The following TNRC6B variants were observed in gnomAD, a reference collection of about 807,000 sequenced individuals.
TNRC6B encodes the protein trinucleotide repeat containing adaptor 6B.
TNRC6B carries 52 observed loss-of-function variants against 203.6 expected under a neutral mutation model. That is an observed-to-expected ratio of 0.26 (90% confidence interval 0.20 to 0.32). The LOEUF (loss-of-function observed/expected upper bound fraction) is 0.32. Among genes scored for constraint, TNRC6B ranks in the 10% least tolerant of loss-of-function variants. The pLI is 1.00. For synonymous variants in TNRC6B, 838 were observed against 845.7 expected, an observed-to-expected ratio of 0.99 and a Z score of 0.16; for missense variants, 1,923 against 2,286.2, an observed-to-expected ratio of 0.84 and a Z score of 3.24.
intron 12 of TNRC6B, among the ~76,000 whole-genome samples, chr22:40,288,448 C>T (rs2070818051): frequency 1.3e-5 from 2 of 152,146 alleles, no homozygotes; most frequent in African/African-American, 4.8e-5. Context: ...CTCACACCTG[C>T]AATCCCAGCC....
In TNRC6B at chr22:40,266,709, C is replaced by A. The variant is rs778830893; in HGVS notation, c.2479C>A (p.Gln827Lys). Residue 827 changes from glutamine to lysine, a missense_variant, in exon 5 of 23, where the codon CAG becomes AAG. By Grantham distance (53) the Gln-to-Lys change is moderately conservative. Around this residue, in one of 8 missense-constraint regions of TNRC6B, gnomAD observed 599 missense variants for 656.5 expected, o/e 0.91. Transcript: ENST00000454349. ...ACAACACCAACAGCAGCAGCCCCCACAGCAGCCGCCGCCACCACAACCAGA... is the reference window on the plus strand; with the variant it reads ...ACAACACCAACAGCAGCAGCCCCCAAAGCAGCCGCCGCCACCACAACCAGA... ...NKQHQQQQPP[Q>K]QPPPPQPEAS... 6.2e-7 allele frequency: 1 copy of A among 1,613,928 alleles called. No individual in the cohort carries two copies. The highest frequency in any genetic ancestry group is 1.7e-5 in the Admixed American group (1 of 60,020).
intron 4 of TNRC6B, among the ~76,000 whole-genome samples, chr22:40,162,608 G>C (rs2146359129): frequency 6.6e-6 from 1 of 152,228 alleles, no homozygotes; most frequent in African/African-American, 2.4e-5. Context: ...AGTTGTTGTT[G>C]TTAACGTTTT....
intron 1 of TNRC6B, among the ~76,000 whole-genome samples, chr22:40,050,386 G>A (rs1332813462): frequency 6.6e-6 from 1 of 152,082 alleles, no homozygotes. Context: ...TCCTCTCTGA[G>A]CATCTTAACT....
chr22:40,176,885 G>A (rs536011158), upstream of TNRC6B, among the ~76,000 whole-genome samples: 7 of 152,282 alleles, frequency 4.6e-5, no homozygotes, highest in South Asian at 1.2e-3. Context: ...ACTACTCAAA[G>A]AAGCCAAGTG....
chr22:40,237,118 TTGTG>T (rs2069958713), intron 1 of TNRC6B, among the ~76,000 whole-genome samples: 1 of 152,148 alleles, frequency 6.6e-6, no homozygotes, highest in African/African-American at 2.4e-5. Context: ...TGAGCTGAGA[TTGTG>T]CCACTGCACT....
At chr22:40,088,977 A>T (rs78082310) in intron 1 of TNRC6B, among the ~76,000 whole-genome samples, 2 of 152,186 alleles carry the variant, frequency 1.3e-5, no homozygotes, top group African/African-American at 4.8e-5. Flanking sequence ...GAGTGAAAAA[A>T]GAACTGCAAC....
intron 22 of TNRC6B, chr22:40,321,457 G>A (rs1301291653): frequency 2.0e-6 from 1 of 491,274 alleles, no homozygotes; most frequent in Non-Finnish European, 3.6e-6. Context: ...AATTCCAAAC[G>A]TAAATAATTT....
chr22:40,176,204 A>G, upstream of TNRC6B, among the ~76,000 whole-genome samples: 1 of 148,902 alleles, frequency 6.7e-6, no homozygotes, highest in African/African-American at 2.5e-5. Context: ...GGCTCACCAC[A>G]ACCTCCGCCT....
chr22:40,063,568 G>C (rs904802240), intron 1 of TNRC6B, among the ~76,000 whole-genome samples: 7 of 152,076 alleles, frequency 4.6e-5, no homozygotes, highest in Non-Finnish European at 1.5e-5. Context: ...CATTTATTCA[G>C]ATCATTTTTA....
intron 3 of TNRC6B, among the ~76,000 whole-genome samples, chr22:40,128,572 G>GCTCACA (rs2068514704): frequency 4.8e-5 from 7 of 146,512 alleles, no homozygotes; most frequent in African/African-American, 1.9e-4. Flanking sequence ...CACGGCTCAC[G>GCTCACA]GCTCACAGCT....
At chr22:40,171,741 C>T (rs2069001688) in intron 4 of TNRC6B, among the ~76,000 whole-genome samples, 1 of 152,178 alleles carries the variant, frequency 6.6e-6, no homozygotes, top group Non-Finnish European at 1.5e-5. Flanking sequence ...GACTGAAGAA[C>T]TTAGTATGAT....
intron 3 of TNRC6B, among the ~76,000 whole-genome samples, chr22:40,260,842 G>A (rs1480255496): frequency 6.6e-6 from 1 of 152,164 alleles, no homozygotes; most frequent in African/African-American, 2.4e-5. Flanking sequence ...TTAAATTCTT[G>A]TCACTGTCAG....
intron 1 of TNRC6B, among the ~76,000 whole-genome samples, chr22:40,185,126 G>A (rs2069182853): frequency 6.6e-6 from 1 of 152,194 alleles, no homozygotes; most frequent in South Asian, 2.1e-4. Context: ...GAGTAGCTGG[G>A]ATTACAGGCA....
chr22:40,147,168 C>T (rs143718549), intron 3 of TNRC6B, among the ~76,000 whole-genome samples: 1 of 141,616 alleles, frequency 7.1e-6, no homozygotes, highest in East Asian at 1.9e-4. Context: ...ATATTGAAGA[C>T]ATATGCTAAG....
rs989712133 is a variant in TNRC6B at position 40,324,468 on chromosome 22, A to G, written c.*1227A>G. 7.2e-5 allele frequency: 11 copies of G among 152,626 alleles called. No individual in the cohort carries two copies. Among genetic ancestry groups the G allele is most frequent in the African/African-American group, 2.7e-4 (11 of 41,446 alleles). 9.5% of individuals were successfully genotyped at this position (152,626 alleles called of 1,614,324 possible). On this transcript the variant is annotated 3_prime_UTR_variant, in exon 23 of 23. Coordinates refer to ENST00000454349, the MANE Select transcript of TNRC6B (RefSeq NM_001162501.2). ...TATGATCAGGTTTGAGAAATTCTTC[A>G]AAAAATTAGGTGAAGTTGAGTTACA...
intron 4 of TNRC6B, 96 bp from the exon 5 acceptor site, chr22:40,264,592 C>T: frequency 3.7e-6 from 5 of 1,350,384 alleles, no homozygotes; most frequent in Non-Finnish European, 4.9e-6. Context: ...GTGATCAGCT[C>T]TCCTAAGGGC....
At position 40,049,018 on chromosome 22, in the gene TNRC6B, G is replaced by A. The variant is rs8140081; in HGVS notation, c.-121+4020G>A. On this transcript the variant is annotated intron_variant, in intron 1 of 23. Coordinates refer to the TNRC6B transcript ENST00000301923. ...TGGGATTATAGGCGTGCATCACCAC[G>A]CCCAGCTAATTTTTGTATTTTTAGT... Among the ~76,000 whole-genome samples, 691 of 152,058 alleles carry A rather than the reference G, an allele frequency of 4.5e-3. 8 individuals carry two copies. Among genetic ancestry groups the A allele is most frequent in the South Asian group, 6.0e-3 (29 of 4,802 alleles).
chr22:40,193,770 T>C (rs1012688025), intron 1 of TNRC6B, among the ~76,000 whole-genome samples: 15 of 151,996 alleles, frequency 9.9e-5, no homozygotes, highest in Admixed American at 2.0e-4. Flanking sequence ...ATTCACTGTT[T>C]CTGTAAAGTA....
intron 1 of TNRC6B, among the ~76,000 whole-genome samples, chr22:40,238,312 G>A (rs961378990): frequency 6.6e-6 from 1 of 152,220 alleles, no homozygotes; most frequent in Non-Finnish European, 1.5e-5. Context: ...CAGCTGAGGA[G>A]AGAGGCGGGC....
Sources: allele counts gnomAD v4.1 joint callset (sites outside exome capture counted in the v4.1 genomes callset), GRCh38; gene constraint gnomAD v4.1.1; regional missense constraint gnomAD v4.1.1; transcripts MANE v1.5; gene names NCBI Gene and HGNC (gene_info 2026-07-23, HGNC 2026-07-21).